CSF2RA: variants seen among roughly 807,000 people sequenced by gnomAD.
The protein encoded by CSF2RA is colony stimulating factor 2 receptor subunit alpha.
Under a neutral mutation model 51.6 loss-of-function variants are expected in CSF2RA, and 42 were observed. The observed-to-expected ratio is 0.81, with a 90% confidence interval of 0.64 to 1.05. CSF2RA has a LOEUF of 1.05. Among genes scored for constraint, CSF2RA ranks in the 50% least tolerant of loss-of-function variants. CSF2RA has a pLI of 0.00. For synonymous variants in CSF2RA, 222 were observed against 193.0 expected (o/e 1.15, Z -1.24); for missense variants, 530 against 501.1 (o/e 1.06, Z -0.55).
Position 1,287,800 on chromosome X carries a change from G to A in CSF2RA, c.220-719G>A, listed in dbSNP as rs1245069234. On this transcript the variant is annotated intron_variant, in intron 4 of 12. Transcript: ENST00000381529. ...CACCCAGGCTGGAGTGCACTGGCGT[G>A]ATCTCAGCTCACTGCAACCTGTGCC... is the stretch of plus-strand genomic sequence containing the variant. Among the ~76,000 whole-genome samples the A allele has an allele frequency of 2.0e-4, 27 of 134,826 alleles. 4 individuals carry two copies. Among genetic ancestry groups the A allele is most frequent in the Non-Finnish European group, 3.5e-4 (22 of 63,052 alleles). The allele number at this position is 134,826 out of a possible 152,430, so 88.5% of individuals were successfully genotyped here.
chrX:1,319,099 G>A, the CSF2RA span, among the ~76,000 whole-genome samples: 4 of 139,430 alleles, frequency 2.9e-5, no homozygotes, highest in Admixed American at 1.4e-4. Flanking sequence ...GGGTTCAAGC[G>A]ATTCTCCTGC....
rs2084018246 is a variant in CSF2RA at position 1,309,425 on chromosome X, A to G, written c.1149A>G (p.Pro383=). The G allele has an allele frequency of 1.9e-6, 3 of 1,613,878 alleles. No homozygotes were observed. In the South Asian group the frequency reaches 3.3e-5, roughly 18 times the overall value. The change falls in exon 13 of 13, where the codon CCA becomes CCG. Residue 383 remains proline, a synonymous_variant. Coordinates refer to ENST00000381529, the MANE Select transcript of CSF2RA (RefSeq NM_172245.4). ...EDEIIWEEFT[P]EEGKGYREEV... is the part of the protein sequence containing the mutation. ...AGATCATCTGGGAGGAATTCACCCCAGAGGAAGGGAAAGGCTACCGCGAAG... is the reference window on the plus strand; with the variant it reads ...AGATCATCTGGGAGGAATTCACCCCGGAGGAAGGGAAAGGCTACCGCGAAG...
chrX:1,297,532 C>G (rs2092043785), intron 9 of CSF2RA, among the ~76,000 whole-genome samples: 1 of 53,640 alleles, frequency 1.9e-5, no homozygotes, highest in Admixed American at 1.5e-4. Context: ...GTCTCCTACC[C>G]ATGACCCCTG....
intron 3 of CSF2RA, among the ~76,000 whole-genome samples, chrX:1,284,119 T>C (rs28578497): frequency 0.27 from 41,187 of 150,670 alleles, 5,947 homozygotes; most frequent in African/African-American, 0.36. Context: ...ATTTGGGAAG[T>C]GTGTTCAGAG....
intron 6 of CSF2RA, chrX:1,289,173 G>C (rs1296358473): frequency 8.6e-6 from 4 of 465,684 alleles, no homozygotes; most frequent in Non-Finnish European, 1.6e-5. Context: ...GCCCAGGCTG[G>C]AGTGTAGTGA....
In CSF2RA at chrX:1,296,297, G is replaced by C. The variant is rs866191508; in HGVS notation, c.810+841G>C. 8.6e-3 allele frequency among the ~76,000 whole-genome samples: 730 copies of C among 84,416 alleles called. 1 individual carries two copies. Among genetic ancestry groups the C allele is most frequent in the Middle Eastern group, 0.037 (3 of 82 alleles). The allele number at this position is 84,416 out of a possible 152,430, so 55.4% of individuals were successfully genotyped here. Reference sequence around the variant, plus strand: ...CCTACCCATGACCCCTGGCGGAACTGTACAGTCCCCTACTCACGACCCCTA... The same window carrying C: ...CCTACCCATGACCCCTGGCGGAACTCTACAGTCCCCTACTCACGACCCCTA... On this transcript the variant is annotated intron_variant, in intron 9 of 12. Coordinates refer to ENST00000381529, the MANE Select transcript of CSF2RA (RefSeq NM_172245.4).
rs182731347 is a variant in CSF2RA at position 1,270,070 on chromosome X, T to C, written c.-91+1191T>C. Among the ~76,000 whole-genome samples, 166 of 150,780 alleles carry C rather than the reference T, an allele frequency of 1.1e-3. 1 individual carries two copies. Among genetic ancestry groups the C allele is most frequent in the African/African-American group, 3.8e-3 (156 of 41,060 alleles). Reference sequence around the variant, plus strand: ...GTTGCAGTGAGCCCAGATTGCACCGTTGCACTCCAGCCTGGGCAACAAGAG... The same window carrying C: ...GTTGCAGTGAGCCCAGATTGCACCGCTGCACTCCAGCCTGGGCAACAAGAG... On this transcript the variant is annotated intron_variant, in intron 1 of 12. Coordinates refer to ENST00000381529, the MANE Select transcript of CSF2RA (RefSeq NM_172245.4).
At chrX:1,320,117 G>A in the CSF2RA span, among the ~76,000 whole-genome samples, 2 of 151,722 alleles carry the variant, frequency 1.3e-5, no homozygotes, top group African/African-American at 2.4e-5. Context: ...GGATGGTCTC[G>A]ATCTCCTGAC....
chrX:1,303,078 G>C (rs1432853413), intron 10 of CSF2RA, among the ~76,000 whole-genome samples: 1 of 140,824 alleles, frequency 7.1e-6, no homozygotes, highest in Non-Finnish European at 1.5e-5. Flanking sequence ...TTTATTTTGA[G>C]ATGGAGTTTC....
the CSF2RA span, among the ~76,000 whole-genome samples, chrX:1,317,493 T>C: frequency 0.033 from 4,968 of 150,910 alleles, 282 homozygotes; most frequent in African/African-American, 0.12. Flanking sequence ...TCAGGTGATC[T>C]GCCCGCCTCG....
intron 1 of CSF2RA, among the ~76,000 whole-genome samples, chrX:1,274,084 AAAG>A (rs1418006469): frequency 3.9e-5 from 6 of 152,238 alleles, no homozygotes; most frequent in East Asian, 1.9e-4. Context: ...TAAACACAAA[AAAG>A]AAGAAGAGAA....
chrX:1,293,238 A>G (rs1347423322), intron 7 of CSF2RA, among the ~76,000 whole-genome samples: 4 of 151,910 alleles, frequency 2.6e-5, no homozygotes, highest in African/African-American at 9.7e-5. Context: ...TTTCTGAGAC[A>G]GAGTCTCACT....
In CSF2RA at chrX:1,286,062, C is replaced by G; in HGVS notation, c.219+142C>G. The G allele has an allele frequency of 1.2e-5, 10 of 864,922 alleles. No homozygotes were observed. The South Asian group carries it at 1.3e-4, about 11-fold the overall frequency. The allele number at this position is 864,922 out of a possible 1,614,324, so 53.6% of individuals were successfully genotyped here. Reference sequence around the variant, plus strand: ...CTGAGGTGGGCGGATCACCTGAGGTCGGGAGTTCAAGACCAGCCTGACCAA... The same window carrying G: ...CTGAGGTGGGCGGATCACCTGAGGTGGGGAGTTCAAGACCAGCCTGACCAA... On this transcript the variant is annotated intron_variant, in intron 4 of 12. Transcript: ENST00000381529.
At chrX:1,277,711 T>C (rs2089367638) in intron 2 of CSF2RA, among the ~76,000 whole-genome samples, 1 of 150,438 alleles carries the variant, frequency 6.6e-6, no homozygotes, top group African/African-American at 2.5e-5. Flanking sequence ...GCGCAGTGGC[T>C]CATGCCTGTA....
chrX:1,290,021 GT>G (rs1313922978), intron 6 of CSF2RA, among the ~76,000 whole-genome samples: 2 of 86,292 alleles, frequency 2.3e-5, no homozygotes, highest in African/African-American at 4.6e-5. Context: ...TTTGTTTTGT[GT>G]TTTTGTGTTT....
At position 1,282,556 on chromosome X, in the gene CSF2RA, AC is replaced by A; in HGVS notation, c.-26-120del. 1.7e-5 allele frequency: 13 copies of A among 781,112 alleles called. No homozygotes were observed. The South Asian group carries it at 1.8e-4, about 11-fold the overall frequency. The allele number at this position is 781,112 out of a possible 1,614,324, so 48.4% of individuals were successfully genotyped here. A position where few individuals can be genotyped will look rare whatever the true frequency, so the allele number is the denominator to read the frequency against. On this transcript the variant is annotated intron_variant, in intron 2 of 12. Transcript: ENST00000381529. ...CCAGCTGGCCATGACCCCTCATTTGACCAGGTCAGCGGCTGACCACCATCCT... is the reference window on the plus strand; with the variant it reads ...CCAGCTGGCCATGACCCCTCATTTGACAGGTCAGCGGCTGACCACCATCCT...
intron 6 of CSF2RA, 114 bp from the exon 7 acceptor site, chrX:1,290,223 T>G: frequency 1.1e-6 from 1 of 875,268 alleles, no homozygotes; most frequent in Non-Finnish European, 1.8e-6. Context: ...TTGTTTTGTG[T>G]TTTTGTGTTT....
chrX:1,286,425 C>A (rs1225916858), intron 4 of CSF2RA, among the ~76,000 whole-genome samples: 1 of 151,246 alleles, frequency 6.6e-6, no homozygotes, highest in African/African-American at 2.4e-5. Flanking sequence ...AAAAATTAGT[C>A]GGGCATGGTG....
intron 10 of CSF2RA, among the ~76,000 whole-genome samples, chrX:1,301,418 T>TAAAA (rs1423651421): frequency 1.3e-5 from 2 of 150,782 alleles, no homozygotes; most frequent in Non-Finnish European, 1.5e-5. Flanking sequence ...TTGCTGGTGT[T>TAAAA]TTTTTCAGGG....
Sources: allele counts gnomAD v4.1 joint callset (sites outside exome capture counted in the v4.1 genomes callset), GRCh38; gene constraint gnomAD v4.1.1; transcripts MANE v1.5; gene names NCBI Gene and HGNC (gene_info 2026-07-23, HGNC 2026-07-21).